The following WDR70 variants were observed in gnomAD, a reference collection of about 807,000 sequenced individuals.
The protein encoded by WDR70 is WD repeat-containing protein 70.
A neutral mutation model predicts 88.6 loss-of-function variants in WDR70; 53 were observed. The ratio of observed to expected loss-of-function variants is 0.60; its 90% CI spans 0.48 to 0.75. WDR70 has a LOEUF of 0.75. Among genes scored for constraint, WDR70 ranks in the 30% least tolerant of loss-of-function variants. The pLI is 0.00. For synonymous variants in WDR70, 280 were observed against 270.0 expected (o/e 1.04, Z -0.36); for missense variants, 610 against 823.2 (o/e 0.74, Z 3.17).
At chr5:37,457,463 G>T (rs539689073) in intron 7 of WDR70, among the ~76,000 whole-genome samples, 1 of 152,242 alleles carries the variant, frequency 6.6e-6, no homozygotes, top group South Asian at 2.1e-4. Flanking sequence ...ATACTATCAG[G>T]CATGGTGGGA....
intron 10 of WDR70, among the ~76,000 whole-genome samples, chr5:37,655,815 G>A (rs1249657433): frequency 6.6e-6 from 1 of 151,688 alleles, no homozygotes; most frequent in Non-Finnish European, 1.5e-5. Context: ...CTCTAAACTA[G>A]TTATTCTTGT....
At chr5:37,727,945 T>C (rs1052586632) in intron 17 of WDR70, among the ~76,000 whole-genome samples, 10 of 152,156 alleles carry the variant, frequency 6.6e-5, no homozygotes, top group African/African-American at 2.4e-4. Context: ...GTTGCAGAAA[T>C]AGTACAGAGA....
At chr5:37,591,905 A>G (rs536140822) in intron 9 of WDR70, among the ~76,000 whole-genome samples, 1 of 152,252 alleles carries the variant, frequency 6.6e-6, no homozygotes, top group Non-Finnish European at 1.5e-5. Flanking sequence ...TAATGCACAG[A>G]CTTAAAAAAG....
chr5:37,586,389 A>C (rs1163907703), intron 9 of WDR70, among the ~76,000 whole-genome samples: 1 of 152,136 alleles, frequency 6.6e-6, no homozygotes, highest in Admixed American at 6.6e-5. Context: ...ATCTCTTTGG[A>C]ATTTAATACT....
intron 10 of WDR70, among the ~76,000 whole-genome samples, chr5:37,665,193 G>A (rs1378479363): frequency 6.6e-6 from 1 of 152,128 alleles, no homozygotes; most frequent in African/African-American, 2.4e-5. Flanking sequence ...AAAATCTGAT[G>A]ATTTACTTTT....
Position 37,455,636 on chromosome 5 carries a change from C to CT in WDR70, c.686+12283dup, listed in dbSNP as rs59254502. Reference sequence around the variant, plus strand: ...TTCTCTCGGGTCCAGTTCTCTTTATCTTTTTTTTTTTTTTTTTTTGCCACA... The same window carrying CT: ...TTCTCTCGGGTCCAGTTCTCTTTATCTTTTTTTTTTTTTTTTTTTTGCCACA... On this transcript the variant is annotated intron_variant, in intron 7 of 17. Transcript: ENST00000265107. Among the ~76,000 whole-genome samples, 165 of 70,432 alleles carry CT rather than the reference C, an allele frequency of 2.3e-3. 7 individuals carry two copies. The highest frequency in any genetic ancestry group is 7.1e-3 in the African/African-American group (154 of 21,588). 46.2% of individuals were successfully genotyped at this position (70,432 alleles called of 152,430 possible). A position where few individuals can be genotyped will look rare whatever the true frequency, so the allele number is the denominator to read the frequency against.
chr5:37,642,715 C>A (rs1009417839), intron 10 of WDR70, among the ~76,000 whole-genome samples: 13 of 152,078 alleles, frequency 8.5e-5, no homozygotes, highest in African/African-American at 3.1e-4. Flanking sequence ...TTTCACATTG[C>A]AGTTTTGCAT....
In WDR70 at chr5:37,564,255, C is replaced by T. The variant is rs537297734; in HGVS notation, c.918-40809C>T. ...GGCACCATTGAGCACTGAGTGAACG[C>T]GACTCCGTCTGCCATCCCGGCACCT... On this transcript the variant is annotated intron_variant, in intron 9 of 17. Transcript: ENST00000265107. 5.3e-5 allele frequency among the ~76,000 whole-genome samples: 8 copies of T among 152,266 alleles called. No homozygotes were observed. In the South Asian group the frequency reaches 1.0e-3, roughly 20 times the overall value.
At chr5:37,577,502 G>T (rs745984638) in intron 9 of WDR70, among the ~76,000 whole-genome samples, 1 of 151,990 alleles carries the variant, frequency 6.6e-6, no homozygotes, top group African/African-American at 2.4e-5. Flanking sequence ...TAATTAAATC[G>T]TACATATATA....
chr5:37,518,731 G>C (rs925587280), intron 9 of WDR70, among the ~76,000 whole-genome samples: 1 of 149,304 alleles, frequency 6.7e-6, no homozygotes, highest in Non-Finnish European at 1.5e-5. Flanking sequence ...GGTGTTTCTC[G>C]GAGAGGGGGA....
chr5:37,564,130 T>C (rs7723217), intron 9 of WDR70, among the ~76,000 whole-genome samples: 79,831 of 143,670 alleles, frequency 0.56, 23,820 homozygotes, highest in Non-Finnish European at 0.67. Context: ...GGGTGGCGGC[T>C]GGGCAGAGGC....
intron 9 of WDR70, among the ~76,000 whole-genome samples, chr5:37,591,830 A>G (rs1371231774): frequency 1.3e-5 from 2 of 152,264 alleles, no homozygotes; most frequent in African/African-American, 4.8e-5. Context: ...ATAATACATC[A>G]TGATTAAGTC....
intron 10 of WDR70, among the ~76,000 whole-genome samples, chr5:37,668,770 C>G (rs997870874): frequency 6.6e-6 from 1 of 152,182 alleles, no homozygotes; most frequent in Non-Finnish European, 1.5e-5. Flanking sequence ...CTGTGGTCAC[C>G]TGGTTTGAGA....
intron 7 of WDR70, among the ~76,000 whole-genome samples, chr5:37,468,490 C>A (rs74462714): frequency 0.048 from 7,262 of 151,860 alleles, 196 homozygotes; most frequent in South Asian, 0.077. Flanking sequence ...TTTTTATTGA[C>A]ACATAATAAT....
intron 17 of WDR70, among the ~76,000 whole-genome samples, chr5:37,729,505 C>T (rs772646612): frequency 2.6e-5 from 4 of 152,168 alleles, no homozygotes; most frequent in Non-Finnish European, 5.9e-5. Flanking sequence ...TAACTTCTTT[C>T]TCCGTTAATG....
chr5:37,728,622 A>G lies in WDR70; in HGVS notation c.1877+1577A>G, dbSNP rs189101359. ...ATGCATGTTTGGCACAAATAACACA[A>G]GAGAGATGTTGTGTCCTTCTCAGTG... On this transcript the variant is annotated intron_variant, in intron 17 of 17. Transcript: ENST00000265107. Among the ~76,000 whole-genome samples, 7 of 152,250 alleles carry G rather than the reference A, an allele frequency of 4.6e-5. No individual in the cohort carries two copies. In the East Asian group the frequency reaches 1.4e-3, roughly 30 times the overall value.
At chr5:37,512,396 A>AT (rs1170541986) in intron 8 of WDR70, among the ~76,000 whole-genome samples, 1 of 151,804 alleles carries the variant, frequency 6.6e-6, no homozygotes, top group Non-Finnish European at 1.5e-5. Flanking sequence ...TAATTTTTGT[A>AT]TTTTTTGTAG....
intron 5 of WDR70, among the ~76,000 whole-genome samples, chr5:37,402,329 T>TGTA (rs59326032): frequency 0.38 from 55,871 of 147,474 alleles, 11,712 homozygotes; most frequent in Non-Finnish European, 0.47. Flanking sequence ...GTGTGTGTGT[T>TGTA]TTAAATTTTT....
chr5:37,430,991 C>A (rs1750286678), intron 5 of WDR70, among the ~76,000 whole-genome samples: 1 of 152,018 alleles, frequency 6.6e-6, no homozygotes, highest in Non-Finnish European at 1.5e-5. Flanking sequence ...GTAGCTGGGA[C>A]TACAGGCTTG....
Sources: allele counts gnomAD v4.1 joint callset (sites outside exome capture counted in the v4.1 genomes callset), GRCh38; gene constraint gnomAD v4.1.1; transcripts MANE v1.5; gene names NCBI Gene and HGNC (gene_info 2026-07-23, HGNC 2026-07-21).